FAT1: variants seen among roughly 807,000 people sequenced by gnomAD.
FAT1 encodes FAT atypical cadherin 1.
Under a neutral mutation model 329.8 loss-of-function variants are expected in FAT1, and 171 were observed. That is an observed-to-expected ratio of 0.52 (90% CI 0.46 to 0.59). The LOEUF (loss-of-function observed/expected upper bound fraction) is 0.59, where lower values mean the gene tolerates loss of function less well. Among genes scored for constraint, FAT1 ranks in the 20% least tolerant of loss-of-function variants. The probability of loss-of-function intolerance (pLI) is 0.00; values close to 1 mark genes in which losing one functional copy is unlikely to be tolerated. For synonymous variants in FAT1, 2,233 were observed against 2,228.6 expected (o/e 1.00, Z -0.06); for missense variants, 5,672 against 5,774.4 (o/e 0.98, Z 0.57).
intron 3 of FAT1, among the ~76,000 whole-genome samples, chr4:186,653,893 G>A (rs760034261): frequency 1.8e-4 from 27 of 152,074 alleles, no homozygotes; most frequent in Non-Finnish European, 3.7e-4. Context: ...TGCGGTACAT[G>A]CTTCATAAAA....
chr4:186,592,711 C>T, intron 26 of FAT1: 1 of 456,704 alleles, frequency 2.2e-6, no homozygotes, highest in Non-Finnish European at 4.4e-6. Flanking sequence ...CTCACCGTGT[C>T]AACCACAGCA....
chr4:186,605,094 C>T (rs563959858), intron 17 of FAT1, among the ~76,000 whole-genome samples: 2 of 151,690 alleles, frequency 1.3e-5, no homozygotes, highest in Non-Finnish European at 2.9e-5. Context: ...TGGTGGGTGC[C>T]TGTAATCTCA....
chr4:186,682,150 G>A (rs1341268610), intron 2 of FAT1, among the ~76,000 whole-genome samples: 1 of 152,166 alleles, frequency 6.6e-6, no homozygotes, highest in Non-Finnish European at 1.5e-5. Context: ...AACCTAGGTT[G>A]CCACCCAGAT....
chr4:186,603,082 C>G lies in FAT1; in HGVS notation c.11351-48G>C, dbSNP rs1484167401. On this transcript the variant is annotated intron_variant, in intron 19 of 26. Transcript: ENST00000441802. The stretch of plus-strand genomic sequence containing the variant: ...GGGAAAAGATAATTAACAGACATTT[C>G]AAGAACATCACCTTTCATGTATAGC... 8 of 1,612,326 alleles carry G rather than the reference C, an allele frequency of 5.0e-6. No homozygotes were observed. In the African/African-American group the frequency reaches 1.1e-4, roughly 22 times the overall value.
At chr4:186,589,375 C>T (rs557117214) in intron 26 of FAT1, among the ~76,000 whole-genome samples, 155 bp from the exon 27 acceptor site, 1 of 152,170 alleles carries the variant, frequency 6.6e-6, no homozygotes, top group African/African-American at 2.4e-5. Context: ...GCTTTGAAGA[C>T]ATCCCCCAAC....
chr4:186,595,873 T>C (rs1157947453), intron 25 of FAT1, 47 bp from the exon 26 acceptor site: 2 of 1,605,794 alleles, frequency 1.2e-6, no homozygotes, highest in African/African-American at 2.7e-5. Flanking sequence ...CAAGACGGTT[T>C]TGTTCACCGC....
chr4:186,698,050 G>A (rs544636808), intron 2 of FAT1, among the ~76,000 whole-genome samples: 1 of 152,326 alleles, frequency 6.6e-6, no homozygotes, highest in East Asian at 1.9e-4. Context: ...GTCCAGGGTG[G>A]CAGAAAAGAA....
chr4:186,631,882 C>A (rs969646704), intron 7 of FAT1, among the ~76,000 whole-genome samples: 3 of 149,878 alleles, frequency 2.0e-5, no homozygotes, highest in Non-Finnish European at 4.4e-5. Context: ...AGCTGCTGCA[C>A]CCCCCTCCCG....
chr4:186,696,051 A>G (rs1263731066), intron 2 of FAT1, among the ~76,000 whole-genome samples: 1 of 152,186 alleles, frequency 6.6e-6, no homozygotes, highest in Non-Finnish European at 1.5e-5. Flanking sequence ...TTCACCTCCC[A>G]AAGTGTTGGG....
intron 2 of FAT1, among the ~76,000 whole-genome samples, chr4:186,700,325 CAAAT>C (rs1744245055): frequency 6.6e-6 from 1 of 152,172 alleles, no homozygotes; most frequent in Admixed American, 6.5e-5. Flanking sequence ...ACTGCAAACA[CAAAT>C]ATGACACCTG....
At chr4:186,645,962 A>AAATACACAC (rs58163933) in intron 3 of FAT1, among the ~76,000 whole-genome samples, 1 of 94,524 alleles carries the variant, frequency 1.1e-5, no homozygotes, top group African/African-American at 4.7e-5. Flanking sequence ...AAAAAAAAAA[A>AAATACACAC]ATATATACAC....
At chr4:186,635,830 T>A (rs1006715271) in intron 6 of FAT1, among the ~76,000 whole-genome samples, 195 bp downstream of exon 6, 3 of 152,360 alleles carry the variant, frequency 2.0e-5, no homozygotes, top group Middle Eastern at 3.4e-3. Flanking sequence ...GAGCACCTAT[T>A]TTAAGCAAGT....
rs370628880 is a variant in FAT1, at chr4:186,614,272, C to G, written c.9148G>C (p.Ala3050Pro). The G allele has an allele frequency of 6.2e-7, 1 of 1,602,928 alleles. No individual in the cohort carries two copies. Among genetic ancestry groups the G allele is most frequent in the Non-Finnish European group, 8.5e-7 (1 of 1,176,162 alleles). Residue 3050 changes from alanine (A) to proline (P), a missense_variant, in exon 12 of 27, where the codon GCA (alanine) becomes CCA (proline). By Grantham distance (27) the Ala-to-Pro change is conservative. Coordinates refer to ENST00000441802, the MANE Select transcript of FAT1 (RefSeq NM_005245.4). ...ATTTCAGCGTTAGAGCGGATGTCTG[C>G]GTCTGTAGCAGAGATCTGCATGATC... ...KLIMQISATD[A>P]DIRSNAEITY...
In FAT1 at chr4:186,625,683, T is replaced by C. The variant is rs548080129; in HGVS notation, c.4810+2471A>G. 2.6e-5 allele frequency among the ~76,000 whole-genome samples: 4 copies of C among 152,374 alleles called. No individual in the cohort carries two copies. The South Asian group carries it at 6.2e-4, about 24-fold the overall frequency. On this transcript the variant is annotated intron_variant, in intron 9 of 26. Coordinates refer to ENST00000441802, the MANE Select transcript of FAT1 (RefSeq NM_005245.4). ...GGGACTATATTCCTTGTACTAACAA[T>C]GGCACTGAAGAAAACAGAAAACTGT...
In FAT1 at chr4:186,609,266, T is replaced by C; in HGVS notation, c.10123A>G (p.Ile3375Val). Reference sequence around the variant, plus strand: ...AACGAGCTTCCTTGGTTGCCATCTATAATTGAGTAGTGGATGTGGCTGTTG... The same window carrying C: ...AACGAGCTTCCTTGGTTGCCATCTACAATTGAGTAGTGGATGTGGCTGTTG... ...PSNSHIHYSI[I>V]DGNQGSSFTI... is the part of the protein sequence containing the mutation. The change falls in exon 16 of 27, where the codon ATA (isoleucine) becomes GTA (valine). Residue 3375 changes from isoleucine to valine, a missense_variant. Transcript: ENST00000441802. 3.1e-6 allele frequency: 5 copies of C among 1,614,090 alleles called. No homozygotes were observed. The highest frequency in any genetic ancestry group is 4.2e-6 in the Non-Finnish European group (5 of 1,179,902).
Position 186,709,281 on chromosome 4 carries a change from C to T in FAT1, c.547G>A (p.Glu183Lys), listed in dbSNP as rs1744824231. 1 of 1,613,952 alleles carries T rather than the reference C, an allele frequency of 6.2e-7. No homozygotes were observed. The highest frequency in any genetic ancestry group is 8.5e-7 in the Non-Finnish European group (1 of 1,179,890). Residue 183 changes from glutamate to lysine, a missense_variant, in exon 2 of 27, where the codon GAA becomes AAA. Transcript: ENST00000441802. The part of the protein sequence containing the change: ...ATDADIGTNG[E>K]FYYSFKDRTD... Reference sequence around the variant, plus strand: ...CGATCTTTAAAACTGTAGTAAAATTCCCCGTTGGTTCCTATGTCTGCATCC... The same window carrying T: ...CGATCTTTAAAACTGTAGTAAAATTTCCCGTTGGTTCCTATGTCTGCATCC...
At chr4:186,605,038 G>A (rs1398482930) in intron 17 of FAT1, among the ~76,000 whole-genome samples, 1 of 151,882 alleles carries the variant, frequency 6.6e-6, no homozygotes, top group East Asian at 2.0e-4. Context: ...GGCCAACGTG[G>A]TGAAACCCCG....
Position 186,601,274 on chromosome 4 carries a change from A to G in FAT1, c.11635T>C (p.Leu3879=), listed in dbSNP as rs1244911150. Residue 3879 remains leucine (L), a synonymous_variant, in exon 21 of 27, where the codon TTG becomes CTG. Transcript: ENST00000441802. ...MYARGTDYSI[L]EIHHGRLQYK... ...AACGCTGTGGAGAAACATACCTCCA[A>G]GATGCTATAGTCAGTTCCTCGAGCA... is the stretch of plus-strand genomic sequence containing the variant. 1 of 1,580,874 alleles carries G rather than the reference A, an allele frequency of 6.3e-7. No homozygotes were observed. Among genetic ancestry groups the G allele is most frequent in the South Asian group, 1.1e-5 (1 of 88,138 alleles).
intron 21 of FAT1, among the ~76,000 whole-genome samples, chr4:186,600,573 T>C (rs1738764963): frequency 6.6e-6 from 1 of 152,210 alleles, no homozygotes; most frequent in Admixed American, 6.5e-5. Context: ...CCACAAAGCA[T>C]CATGGAAGCG....
Sources: gnomAD v4.1 joint callset for allele counts (sites outside exome capture counted in the v4.1 genomes callset) on GRCh38, gnomAD v4.1.1 for gene constraint, MANE v1.5 for transcripts, NCBI Gene and HGNC (gene_info 2026-07-23, HGNC 2026-07-21) for gene names.